Variants in DMD observed in about 807,000 individuals in gnomAD.
DMD encodes the protein mutant dystrophin.
In DMD, 63 loss-of-function variants were observed where a neutral mutation model predicts 330.1. The observed-to-expected ratio is 0.19, with a 90% CI of 0.16 to 0.24. DMD has a LOEUF of 0.24. Ranked by LOEUF, DMD falls within the 10% of genes least tolerant of loss-of-function variation. The pLI is 1.00. For missense variants in DMD, 3,344 were observed against 2,684.1 expected (o/e 1.25, Z -5.43); for synonymous variants, 1,223 against 959.8 (o/e 1.27, Z -5.07).
intron 16 of DMD, among the ~76,000 whole-genome samples, chrX:32,562,778 T>G (rs2051175383): frequency 8.9e-6 from 1 of 111,875 alleles, no homozygotes; most frequent in East Asian, 2.8e-4. Flanking sequence ...ATGATACTAT[T>G]TCGCTGTTGT....
chrX:31,740,308 A>G (rs1225086526), intron 51 of DMD, among the ~76,000 whole-genome samples: 1 of 112,353 alleles, frequency 8.9e-6, no homozygotes, highest in African/African-American at 3.2e-5. Context: ...TGGCATATTA[A>G]CAAAGGATAA....
chrX:32,704,827 A>G (rs981650368), intron 7 of DMD, among the ~76,000 whole-genome samples: 2 of 112,535 alleles, frequency 1.8e-5, no homozygotes, highest in African/African-American at 6.5e-5. Flanking sequence ...AGAAAGGCCT[A>G]TATGTTGGCA....
chrX:33,039,321 A>G (rs2094257648), intron 1 of DMD, among the ~76,000 whole-genome samples: 1 of 110,638 alleles, frequency 9.0e-6, no homozygotes, highest in Non-Finnish European at 1.9e-5. Context: ...CACACTCCTT[A>G]TCTTTTCTTT....
At chrX:33,149,543 G>A (rs1275862455) in intron 1 of DMD, among the ~76,000 whole-genome samples, 1 of 112,096 alleles carries the variant, frequency 8.9e-6, no homozygotes, top group African/African-American at 3.2e-5. Flanking sequence ...TGCTGTTCTA[G>A]TTTCCAGGGT....
chrX:32,270,466 A>T (rs982375324), intron 43 of DMD, among the ~76,000 whole-genome samples: 2 of 111,407 alleles, frequency 1.8e-5, no homozygotes, highest in African/African-American at 6.5e-5. Flanking sequence ...ATTCTACTAG[A>T]ATGGTGTGGT....
At chrX:33,325,007 G>A (rs1164621692) in intron 1 of DMD, among the ~76,000 whole-genome samples, 1 of 111,597 alleles carries the variant, frequency 9.0e-6, no homozygotes, top group Non-Finnish European at 1.9e-5. Context: ...TGTAGTCACA[G>A]TATTTGATTT....
chrX:32,879,021 A>ACAAAAAAC (rs1557109750), intron 2 of DMD, among the ~76,000 whole-genome samples: 10 of 101,790 alleles, frequency 9.8e-5, no homozygotes, highest in African/African-American at 1.1e-4. Context: ...AAAAAAACAA[A>ACAAAAAAC]AAACAAAAAA....
chrX:32,656,713 C>A (rs2060597325), intron 9 of DMD, among the ~76,000 whole-genome samples: 1 of 111,799 alleles, frequency 8.9e-6, no homozygotes, highest in Admixed American at 9.6e-5. Context: ...ATTACACTAA[C>A]CCTTGCATTG....
At chrX:32,812,258 T>C (rs1206589910) in intron 6 of DMD, among the ~76,000 whole-genome samples, 1 of 111,241 alleles carries the variant, frequency 9.0e-6, no homozygotes, top group African/African-American at 3.3e-5. Flanking sequence ...GCTCATGCTA[T>C]GCAAAAACAA....
At chrX:32,929,532 A>T (rs112183431) in intron 2 of DMD, among the ~76,000 whole-genome samples, 42 of 111,132 alleles carry the variant, frequency 3.8e-4, no homozygotes, top group African/African-American at 1.3e-3. Context: ...GTTACTGAGG[A>T]TATCAAAACC....
At chrX:31,563,885 C>T (rs1461285665) in intron 55 of DMD, among the ~76,000 whole-genome samples, 2 of 111,703 alleles carry the variant, frequency 1.8e-5, no homozygotes, top group East Asian at 2.8e-4. Flanking sequence ...TGTTGAAGTC[C>T]TAACCCCTGG....
chrX:33,023,840 ACCT>A (rs1292612836), intron 1 of DMD, among the ~76,000 whole-genome samples: 1 of 111,278 alleles, frequency 9.0e-6, no homozygotes, highest in African/African-American at 3.3e-5. Flanking sequence ...GAGTTCACTG[ACCT>A]CCTTGCAGAA....
chrX:31,553,632 T>C (rs913825421), intron 55 of DMD, among the ~76,000 whole-genome samples: 3 of 112,389 alleles, frequency 2.7e-5, no homozygotes, highest in African/African-American at 9.7e-5. Flanking sequence ...AGCACTTCAG[T>C]GTGTTAACAA....
chrX:32,187,935 A>C (rs970276715), intron 44 of DMD, among the ~76,000 whole-genome samples: 8 of 111,260 alleles, frequency 7.2e-5, no homozygotes, highest in African/African-American at 2.6e-4. Flanking sequence ...ACAATTGAAA[A>C]GCTGTTATTT....
chrX:31,464,872 T>C (rs751643695), intron 59 of DMD, among the ~76,000 whole-genome samples: 1 of 112,612 alleles, frequency 8.9e-6, no homozygotes, highest in East Asian at 2.8e-4. Context: ...AAAGAACTTA[T>C]ATGCACTTCA....
chrX:32,652,777 C>T (rs1394478123), intron 9 of DMD, among the ~76,000 whole-genome samples: 1 of 111,737 alleles, frequency 8.9e-6, no homozygotes, highest in African/African-American at 3.3e-5. Flanking sequence ...ACAATCCCAT[C>T]AACAGTGTAA....
At chrX:32,460,123 A>G (rs1000255748) in intron 25 of DMD, among the ~76,000 whole-genome samples, 1 of 111,186 alleles carries the variant, frequency 9.0e-6, no homozygotes, top group African/African-American at 3.3e-5. Context: ...TATGAAAAAA[A>G]AATTCCACAT....
intron 7 of DMD, among the ~76,000 whole-genome samples, chrX:32,758,477 C>T (rs1223079665): frequency 9.0e-6 from 1 of 111,334 alleles, no homozygotes; most frequent in Non-Finnish European, 1.9e-5. Flanking sequence ...TCCTACTCAT[C>T]CAAATGAACA....
intron 1 of DMD, among the ~76,000 whole-genome samples, chrX:33,134,436 C>T (rs1284316780): frequency 8.9e-6 from 1 of 112,059 alleles, no homozygotes; most frequent in Non-Finnish European, 1.9e-5. Flanking sequence ...AAAAAGTTCG[C>T]AGACATACTG....
Sources: allele counts gnomAD v4.1 joint callset (sites outside exome capture counted in the v4.1 genomes callset), GRCh38; gene constraint gnomAD v4.1.1; transcripts MANE v1.5; gene names NCBI Gene and HGNC (gene_info 2026-07-23, HGNC 2026-07-21).